Variants in DMD observed in about 807,000 individuals in gnomAD.
DMD encodes the protein dystrophin.
Under a neutral mutation model 330.1 loss-of-function variants are expected in DMD, and 63 were observed. The observed-to-expected ratio is 0.19, with a 90% CI of 0.16 to 0.24. The LOEUF (loss-of-function observed/expected upper bound fraction) is 0.24. Among genes scored for constraint, DMD ranks in the 10% least tolerant of loss-of-function variants. The pLI, the probability that DMD is intolerant of heterozygous loss-of-function variation, is 1.00. For missense variants in DMD, 3,344 were observed against 2,684.1 expected (o/e 1.25, Z -5.43); for synonymous variants, 1,223 against 959.8 (o/e 1.27, Z -5.07).
chrX:32,592,074 GC>G (rs1218429709), intron 13 of DMD, among the ~76,000 whole-genome samples: 1 of 111,758 alleles, frequency 8.9e-6, no homozygotes, highest in African/African-American at 3.3e-5. Flanking sequence ...GTGTGGGCCT[GC>G]AGGTACCCCT....
chrX:33,063,964 G>T (rs79893460), intron 1 of DMD, among the ~76,000 whole-genome samples: 3 of 111,465 alleles, frequency 2.7e-5, no homozygotes, highest in African/African-American at 6.5e-5. Context: ...TAATTTTTTC[G>T]TGTGTGCATT....
At chrX:31,627,998 C>T in intron 54 of DMD, 136 bp from the exon 55 acceptor site, 1 of 597,055 alleles carries the variant, frequency 1.7e-6, no homozygotes, top group East Asian at 3.6e-5. Context: ...TACAGCTCTT[C>T]CTTTAAGCAA....
intron 1 of DMD, among the ~76,000 whole-genome samples, chrX:33,115,692 T>C (rs1385761131): frequency 3.7e-5 from 4 of 107,813 alleles, no homozygotes; most frequent in Non-Finnish European, 5.8e-5. Flanking sequence ...TTTGTATTTT[T>C]AGTAGATACG....
intron 1 of DMD, among the ~76,000 whole-genome samples, chrX:33,229,019 G>A (rs183259265): frequency 1.5e-4 from 17 of 110,501 alleles, no homozygotes; most frequent in Non-Finnish European, 2.7e-4. Context: ...ATACTATTCA[G>A]TAAAATGTCT....
At chrX:32,220,443 G>T (rs1193055987) in intron 43 of DMD, among the ~76,000 whole-genome samples, 1 of 111,147 alleles carries the variant, frequency 9.0e-6, no homozygotes, top group Non-Finnish European at 1.9e-5. Context: ...GGCTTTACAT[G>T]TGATGACACT....
rs72468617 is a variant in DMD at position 32,343,095 on chromosome X, A to T, written c.5739+39T>A. ...GATCTTCACAGGTTAATTAAACTGT[A>T]TAATAAAATCTGGTATTGACATTCT... On this transcript the variant is annotated intron_variant, in intron 40 of 78. Transcript: ENST00000357033. 3,351 of 1,156,189 alleles carry T rather than the reference A, an allele frequency of 2.9e-3. 70 individuals carry two copies. In the African/African-American group the frequency reaches 0.051, roughly 18 times the overall value.
chrX:32,911,618 T>C (rs766044575), intron 2 of DMD, among the ~76,000 whole-genome samples: 61 of 111,562 alleles, frequency 5.5e-4, no homozygotes, highest in African/African-American at 1.9e-3. Flanking sequence ...ATGCCCAAAC[T>C]CATTTTTCAT....
intron 44 of DMD, among the ~76,000 whole-genome samples, chrX:32,205,053 A>G (rs1384400874): frequency 1.0e-5 from 1 of 97,065 alleles, no homozygotes; most frequent in African/African-American, 3.8e-5. Flanking sequence ...CCACACACAC[A>G]CAGTCGCAAT....
intron 62 of DMD, among the ~76,000 whole-genome samples, chrX:31,263,421 G>T (rs1234958955): frequency 1.8e-5 from 2 of 112,033 alleles, no homozygotes; most frequent in East Asian, 5.6e-4. Context: ...CCTTTTTAAA[G>T]AATTTATTTT....
intron 44 of DMD, among the ~76,000 whole-genome samples, chrX:32,023,640 A>G (rs1469632973): frequency 1.8e-5 from 2 of 112,170 alleles, no homozygotes; most frequent in Non-Finnish European, 3.8e-5. Flanking sequence ...CAAAAAGTAC[A>G]TATAACATCA....
At chrX:32,432,220 G>A (rs1200406816) in intron 29 of DMD, among the ~76,000 whole-genome samples, 1 of 111,283 alleles carries the variant, frequency 9.0e-6, no homozygotes, top group Non-Finnish European at 1.9e-5. Flanking sequence ...TTATCTTACT[G>A]ATAGAACCCC....
intron 60 of DMD, among the ~76,000 whole-genome samples, chrX:31,383,194 G>A (rs936413048): frequency 9.0e-6 from 1 of 110,872 alleles, no homozygotes; most frequent in African/African-American, 3.3e-5. Flanking sequence ...CCCACCAGAG[G>A]ACAACCCCCC....
At chrX:32,915,585 C>A (rs920453314) in intron 2 of DMD, among the ~76,000 whole-genome samples, 1 of 111,510 alleles carries the variant, frequency 9.0e-6, no homozygotes, top group Non-Finnish European at 1.9e-5. Context: ...AGTACCACCA[C>A]TGAAGTCACT....
intron 17 of DMD, among the ~76,000 whole-genome samples, chrX:32,531,257 C>A (rs1202158560): frequency 9.0e-6 from 1 of 111,340 alleles, no homozygotes; most frequent in Non-Finnish European, 1.9e-5. Context: ...ACATAGAATC[C>A]CTTGAGAAAA....
intron 2 of DMD, among the ~76,000 whole-genome samples, chrX:33,009,316 ATATGTGTATATGTGTATATACACGTG>A (rs2093534709): frequency 2.4e-5 from 1 of 42,388 alleles, no homozygotes; most frequent in Admixed American, 2.2e-4. Context: ...ACATGTGTGT[ATATGTGTATATGTGTATATACACGTG>A]TATATACACA....
At chrX:31,371,750 G>C (rs940739796) in intron 60 of DMD, among the ~76,000 whole-genome samples, 7 of 111,601 alleles carry the variant, frequency 6.3e-5, no homozygotes, top group Non-Finnish European at 1.3e-4. Context: ...TTGTTTGTTT[G>C]GACATACAAG....
intron 2 of DMD, among the ~76,000 whole-genome samples, chrX:32,898,371 A>G (rs1468312912): frequency 1.8e-5 from 2 of 112,247 alleles, no homozygotes; most frequent in Non-Finnish European, 3.8e-5. Context: ...GTTAAGCCCC[A>G]AAATCAGGGC....
intron 28 of DMD, among the ~76,000 whole-genome samples, chrX:32,439,998 C>A (rs1398750196): frequency 1.8e-5 from 2 of 110,959 alleles, no homozygotes; most frequent in Non-Finnish European, 1.9e-5. Flanking sequence ...TTCTCTCTTT[C>A]CTTAACATTC....
rs1320264556 is a variant in DMD at position 32,991,884 on chromosome X, C to A, written c.93+28255G>T. ...TTCTGCAAGACTGGAGATTTTTTCC[C>A]CAAAAACTAACTAGAAAAATAACTT... On this transcript the variant is annotated intron_variant, in intron 2 of 78. Coordinates refer to ENST00000357033, the MANE Select transcript of DMD (RefSeq NM_004006.3). Among the ~76,000 whole-genome samples, 10 of 111,838 alleles carry A rather than the reference C, an allele frequency of 8.9e-5. No homozygotes were observed. The Admixed American group carries it at 9.5e-4, about 11-fold the overall frequency.
Sources: allele counts gnomAD v4.1 joint callset (sites outside exome capture counted in the v4.1 genomes callset), GRCh38; gene constraint gnomAD v4.1.1; transcripts MANE v1.5; gene names NCBI Gene and HGNC (gene_info 2026-07-23, HGNC 2026-07-21).